Variants in ST3GAL1 observed in about 807,000 individuals in gnomAD.
ST3GAL1 encodes ST3 beta-galactoside alpha-2,3-sialyltransferase 1, also known as CMP-N-acetylneuraminate-beta-galactosamide-alpha-2,3-sialyltransferase 1.
ST3GAL1 carries 16 observed loss-of-function variants against 34.1 expected under a neutral mutation model. The observed-to-expected ratio is 0.47, with a 90% CI of 0.32 to 0.71. The LOEUF (loss-of-function observed/expected upper bound fraction) is 0.71, where lower values mean the gene tolerates loss of function less well. ST3GAL1 is among the 30% of genes least tolerant of loss of function. The pLI is 0.04. For missense variants in ST3GAL1, 353 were observed against 447.4 expected, an observed-to-expected ratio of 0.79 and a Z score of 1.90; for synonymous variants, 191 against 184.7, an observed-to-expected ratio of 1.03 and a Z score of -0.28.
intron 2 of ST3GAL1, among the ~76,000 whole-genome samples, chr8:133,535,379 C>T (rs1818277982): frequency 6.6e-6 from 1 of 152,190 alleles, no homozygotes; most frequent in Non-Finnish European, 1.5e-5. Context: ...TTCACTTAAT[C>T]AGACTTCACA....
At chr8:133,562,192 C>T (rs1265977056) in intron 1 of ST3GAL1, among the ~76,000 whole-genome samples, 1 of 150,894 alleles carries the variant, frequency 6.6e-6, no homozygotes, top group Non-Finnish European at 1.5e-5. Flanking sequence ...AGTCACTTCT[C>T]CCCTGTGAAT....
intron 2 of ST3GAL1, among the ~76,000 whole-genome samples, chr8:133,522,372 C>A (rs1264491262): frequency 6.6e-6 from 1 of 152,106 alleles, no homozygotes; most frequent in African/African-American, 2.4e-5. Flanking sequence ...CAGAAGGTTC[C>A]CTGCTTTAAT....
At chr8:133,474,617 C>T (rs940254770) in intron 5 of ST3GAL1, among the ~76,000 whole-genome samples, 1 of 152,108 alleles carries the variant, frequency 6.6e-6, no homozygotes, top group Non-Finnish European at 1.5e-5. Context: ...TGATTTACAG[C>T]CCCCCAGCCA....
chr8:133,553,871 G>A (rs990964705), intron 1 of ST3GAL1, among the ~76,000 whole-genome samples: 1 of 152,172 alleles, frequency 6.6e-6, no homozygotes, highest in Non-Finnish European at 1.5e-5. Context: ...TGCAACATAG[G>A]TTGCGGCAAT....
intron 3 of ST3GAL1, among the ~76,000 whole-genome samples, chr8:133,498,832 C>G (rs940787148): frequency 6.6e-6 from 1 of 152,186 alleles, no homozygotes; most frequent in Non-Finnish European, 1.5e-5. Context: ...CCTGGGAGAA[C>G]AGACCCAGGC....
At chr8:133,561,345 A>AGCTC (rs1472604831) in intron 1 of ST3GAL1, among the ~76,000 whole-genome samples, 1 of 152,084 alleles carries the variant, frequency 6.6e-6, no homozygotes, top group African/African-American at 2.4e-5. Context: ...GAGTGCCATG[A>AGCTC]ATTCCTTGAG....
chr8:133,547,277 C>T (rs982157086), intron 1 of ST3GAL1, among the ~76,000 whole-genome samples: 1 of 146,832 alleles, frequency 6.8e-6, no homozygotes, highest in African/African-American at 2.5e-5. Flanking sequence ...GAGAATCATT[C>T]TTTTTTTTTT....
At chr8:133,468,867 G>C (rs1815842549) in intron 5 of ST3GAL1, among the ~76,000 whole-genome samples, 1 of 152,198 alleles carries the variant, frequency 6.6e-6, no homozygotes, top group Admixed American at 6.5e-5. Context: ...GAGAGCCCCA[G>C]GGTAGAGGAC....
intron 1 of ST3GAL1, among the ~76,000 whole-genome samples, chr8:133,550,153 T>C (rs768653746): frequency 6.6e-5 from 10 of 152,204 alleles, no homozygotes; most frequent in Non-Finnish European, 1.5e-4. Context: ...TAGACTTTCC[T>C]TGCCTTTTGG....
intron 2 of ST3GAL1, among the ~76,000 whole-genome samples, chr8:133,538,320 G>A (rs1248137969): frequency 6.6e-6 from 1 of 152,156 alleles, no homozygotes; most frequent in Non-Finnish European, 1.5e-5. Flanking sequence ...TTCGAGATCG[G>A]CCTGGCCAAC....
intron 2 of ST3GAL1, among the ~76,000 whole-genome samples, chr8:133,523,816 T>C (rs1817882224): frequency 6.6e-6 from 1 of 152,220 alleles, no homozygotes; most frequent in African/African-American, 2.4e-5. Context: ...AGTGGGAGTG[T>C]ATTTTTTCAC....
intron 5 of ST3GAL1, among the ~76,000 whole-genome samples, chr8:133,468,089 T>C (rs1259399550): frequency 6.6e-6 from 1 of 152,014 alleles, no homozygotes; most frequent in Non-Finnish European, 1.5e-5. Flanking sequence ...AGAACAGCCA[T>C]GTGGCCTACC....
At chr8:133,520,574 G>A (rs574866373) in intron 2 of ST3GAL1, among the ~76,000 whole-genome samples, 16 of 152,142 alleles carry the variant, frequency 1.1e-4, no homozygotes, top group African/African-American at 3.4e-4. Context: ...TCCCCTGCAG[G>A]GAAGCAGGGT....
rs1164213103 is a variant in ST3GAL1, at chr8:133,526,360, A to AT, written c.-429+19413_-429+19414insA. Among the ~76,000 whole-genome samples the AT allele has an allele frequency of 2.2e-4, 34 of 152,182 alleles. 1 individual carries two copies. The highest frequency in any genetic ancestry group is 2.2e-3 in the Admixed American group (34 of 15,280). ...ATAATTCTACATCAAAAACAGGGGA[A>AT]GTAGAAAAGTTCATGAAGGCTCCTA... On this transcript the variant is annotated intron_variant, in intron 2 of 9. Coordinates refer to ENST00000522652, the MANE Select transcript of ST3GAL1 (RefSeq NM_173344.3).
chr8:133,466,109 A>C lies in ST3GAL1; in HGVS notation c.307-19T>G. On this transcript the variant is annotated intron_variant, in intron 5 of 9. Coordinates refer to ENST00000522652, the MANE Select transcript of ST3GAL1 (RefSeq NM_173344.3). The surrounding 1 kb of genome is among the most constrained non-coding windows in gnomAD (Gnocchi z 4.4). ...GGAGCCTCTGTGGGCGGAGGACAGA[A>C]GGTGGTCAACCTGGCTTTGTGGCTC... The C allele has an allele frequency of 6.3e-7, 1 of 1,598,788 alleles. No individual in the cohort carries two copies. The highest frequency in any genetic ancestry group is 2.3e-5 in the East Asian group (1 of 44,418).
At chr8:133,472,994 G>A (rs2737422) in intron 5 of ST3GAL1, among the ~76,000 whole-genome samples, 75,296 of 151,994 alleles carry the variant, frequency 0.5, 19,146 homozygotes, top group African/African-American at 0.53. Context: ...ACACGAAGGA[G>A]GCTGAGACTC....
rs2130908048 is a variant in ST3GAL1, at chr8:133,458,270, A to G, written c.*1494T>C. On this transcript the variant is annotated 3_prime_UTR_variant, in exon 10 of 10. Coordinates refer to ENST00000522652, the MANE Select transcript of ST3GAL1 (RefSeq NM_173344.3). ...CTTCATTAAAACACCAGGACCACCA[A>G]CAGAGCCAGGGTGCAAACAATGTCA... The G allele has an allele frequency of 6.6e-6, 1 of 152,278 alleles. No homozygotes were observed. The highest frequency in any genetic ancestry group is 2.4e-5 in the African/African-American group (1 of 41,514). The allele number at this position is 152,278 out of a possible 1,614,324, so 9.4% of individuals were successfully genotyped here.
intron 1 of ST3GAL1, among the ~76,000 whole-genome samples, chr8:133,568,013 C>T (rs528394267): frequency 3.3e-5 from 5 of 151,964 alleles, no homozygotes; most frequent in Admixed American, 1.3e-4. Context: ...CTCCACCTCC[C>T]GGGTCCAAGT....
At chr8:133,480,505 C>T (rs1462683628) in intron 3 of ST3GAL1, among the ~76,000 whole-genome samples, 1 of 152,186 alleles carries the variant, frequency 6.6e-6, no homozygotes, top group African/African-American at 2.4e-5. Context: ...ACTATGGTCA[C>T]TAGAGAAATG....
Sources: allele counts gnomAD v4.1 joint callset (sites outside exome capture counted in the v4.1 genomes callset), GRCh38; gene constraint gnomAD v4.1.1; non-coding constraint Gnocchi (gnomAD v3.1); transcripts MANE v1.5; gene names NCBI Gene and HGNC (gene_info 2026-07-23, HGNC 2026-07-21).